The following PLXDC1 variants were observed in gnomAD, a reference collection of about 807,000 sequenced individuals.
PLXDC1 encodes the protein plexin domain-containing protein 1.
PLXDC1 carries 39 observed loss-of-function variants against 61.3 expected under a neutral mutation model. The ratio of observed to expected loss-of-function variants is 0.64; its 90% CI spans 0.49 to 0.83. PLXDC1 has a LOEUF of 0.83. PLXDC1 is among the 40% of genes least tolerant of loss of function. The probability of loss-of-function intolerance (pLI) is 0.00; values close to 1 mark genes in which losing one functional copy is unlikely to be tolerated. For missense variants in PLXDC1, 596 were observed against 666.5 expected (o/e 0.89, Z 1.17); for synonymous variants, 212 against 254.5 (o/e 0.83, Z 1.59).
chr17:39,080,007 G>C (rs1289224000), intron 9 of PLXDC1: 1 of 170,748 alleles, frequency 5.9e-6, no homozygotes, highest in East Asian at 1.6e-4. Context: ...TGCTCCTCCT[G>C]CAGCAGGGAT....
At chr17:39,134,755 T>G (rs539441892) in intron 2 of PLXDC1, among the ~76,000 whole-genome samples, 3 of 150,990 alleles carry the variant, frequency 2.0e-5, no homozygotes, top group African/African-American at 7.3e-5. Flanking sequence ...GGGACAAGAG[T>G]GCAAGCCTCT....
intron 7 of PLXDC1, among the ~76,000 whole-genome samples, chr17:39,095,625 T>G (rs1008636032): frequency 5.9e-5 from 9 of 151,900 alleles, no homozygotes; most frequent in Admixed American, 4.6e-4. Flanking sequence ...ATGTTTTTGT[T>G]TTTTGTCTTT....
chr17:39,118,085 C>G, intron 2 of PLXDC1, among the ~76,000 whole-genome samples: 1 of 42,862 alleles, frequency 2.3e-5, no homozygotes, highest in Non-Finnish European at 5.2e-5. Context: ...TCCCTCCCTC[C>G]CTTCCTTCCT....
rs150510735 is a variant in PLXDC1 at position 39,102,102 on chromosome 17, C to T, written c.811+3752G>A. Among the ~76,000 whole-genome samples the T allele has an allele frequency of 2.5e-4, 38 of 152,320 alleles. 1 individual carries two copies. The highest frequency in any genetic ancestry group is 8.5e-4 in the Admixed American group (13 of 15,300). ...CTTGACCCTTGAGTGCCACCCACCC[C>T]ACCCACAGATCTGCCCAGATGAAGG... On this transcript the variant is annotated intron_variant, in intron 7 of 13. Transcript: ENST00000315392.
intron 7 of PLXDC1, among the ~76,000 whole-genome samples, chr17:39,094,190 A>G (rs1910059158): frequency 1.3e-5 from 2 of 152,106 alleles, no homozygotes; most frequent in South Asian, 4.1e-4. Flanking sequence ...GCTCTGAGTA[A>G]GCCTGGGGGC....
chr17:39,127,035 C>A (rs1043706869), intron 2 of PLXDC1: 1 of 152,124 alleles, frequency 6.6e-6, no homozygotes, highest in Non-Finnish European at 1.5e-5. Context: ...TGAAAGATAA[C>A]ACCTGAAGCT....
At chr17:39,109,166 G>T in intron 3 of PLXDC1, 82 bp downstream of exon 3, 1 of 1,515,688 alleles carries the variant, frequency 6.6e-7, no homozygotes. Context: ...TCGGGCCACA[G>T]CCATGCCCAC....
chr17:39,110,422 G>T (rs1197091674), intron 2 of PLXDC1, among the ~76,000 whole-genome samples: 3 of 152,152 alleles, frequency 2.0e-5, no homozygotes, highest in Non-Finnish European at 4.4e-5. Flanking sequence ...TTCTGCAAAG[G>T]CTCTCCTGCA....
Position 39,098,614 on chromosome 17 carries a change from AAAG to A in PLXDC1, c.811+7237_811+7239del, listed in dbSNP as rs746634452. Among the ~76,000 whole-genome samples the A allele has an allele frequency of 4.3e-3, 656 of 152,310 alleles. 8 individuals are homozygous for A. The highest frequency in any genetic ancestry group is 3.4e-3 in the Non-Finnish European group (232 of 68,018). ...TTTGTTCTCGCCACCACTAGAAAGA[AAAG>A]AAGAAGAAGAAAAAAGTATCAGCGA... is the stretch of plus-strand genomic sequence containing the variant. On this transcript the variant is annotated intron_variant, in intron 7 of 13. Transcript: ENST00000315392.
chr17:39,104,727 T>C (rs1409333220), intron 7 of PLXDC1, among the ~76,000 whole-genome samples: 1 of 151,618 alleles, frequency 6.6e-6, no homozygotes, highest in Non-Finnish European at 1.5e-5. Context: ...GAGGCTGCAG[T>C]GGGTAGAAAT....
rs529737039 is a variant in PLXDC1, at chr17:39,065,343, G to C, written c.*2497C>G. On this transcript the variant is annotated 3_prime_UTR_variant, in exon 14 of 14. Transcript: ENST00000315392. Reference sequence around the variant, plus strand: ...AAAATAGAACCAAGCATCTCATAGAGTTAATGATTGTCTACAGGATCCCTG... The same window carrying C: ...AAAATAGAACCAAGCATCTCATAGACTTAATGATTGTCTACAGGATCCCTG... 8 of 151,086 alleles carry C rather than the reference G, an allele frequency of 5.3e-5. No homozygotes were observed. The highest frequency in any genetic ancestry group is 1.9e-4 in the African/African-American group (8 of 41,164). The allele number at this position is 151,086 out of a possible 1,614,324, so 9.4% of individuals were successfully genotyped here. A position where few individuals can be genotyped will look rare whatever the true frequency, so the allele number is the denominator to read the frequency against.
chr17:39,134,917 G>A (rs1282748950), intron 2 of PLXDC1, among the ~76,000 whole-genome samples: 2 of 152,130 alleles, frequency 1.3e-5, no homozygotes, highest in Non-Finnish European at 2.9e-5. Context: ...CCATCATGCA[G>A]CTGGCTTTCC....
rs1293623969 is a variant in PLXDC1, at chr17:39,107,411, T to C, written c.707A>G (p.Lys236Arg). Residue 236 changes from lysine (K) to arginine (R), a missense_variant, in exon 6 of 14, where the codon AAA becomes AGA. Lys to Arg is a conservative substitution (Grantham distance 26). Coordinates refer to ENST00000315392, the MANE Select transcript of PLXDC1 (RefSeq NM_020405.5). ...HHDGRIVFAY[K>R]EIPMSVPEIS... ...TCTGCAGCTGGGCCCACTCACCTCT[T>C]TATAGGCAAAGACAATGCGGCCGTC... 1 of 1,598,384 alleles carries C rather than the reference T, an allele frequency of 6.3e-7. No individual in the cohort carries two copies. The highest frequency in any genetic ancestry group is 1.7e-5 in the Admixed American group (1 of 59,062).
At chr17:39,106,735 C>T (rs1011492653) in intron 6 of PLXDC1, among the ~76,000 whole-genome samples, 2 of 150,954 alleles carry the variant, frequency 1.3e-5, no homozygotes, top group Admixed American at 1.3e-4. Context: ...CTGCAACCTC[C>T]AACTCCTGGG....
chr17:39,117,632 C>T (rs1911020645), intron 2 of PLXDC1, among the ~76,000 whole-genome samples: 1 of 152,124 alleles, frequency 6.6e-6, no homozygotes, highest in Admixed American at 6.6e-5. Flanking sequence ...GTCCCAGCTA[C>T]TTGTGAGGCT....
chr17:39,079,159 G>A lies in PLXDC1; in HGVS notation c.995C>T (p.Ser332Phe), dbSNP rs1043005177. Residue 332 changes from serine to phenylalanine, a missense_variant, in exon 10 of 14, where the codon TCC becomes TTC. Coordinates refer to ENST00000315392, the MANE Select transcript of PLXDC1 (RefSeq NM_020405.5). ...CSWCHVLQRC[S>F]SGFDRYRQEW... ...CTGGCGATAGCGGTCAAAGCCACTG[G>A]AGCATCTGCAGGAGGACCAAAAGGA... 6.2e-7 allele frequency: 1 copy of A among 1,613,482 alleles called. No individual in the cohort carries two copies. Among genetic ancestry groups the A allele is most frequent in the Non-Finnish European group, 8.5e-7 (1 of 1,179,618 alleles).
chr17:39,072,339 T>TG, intron 12 of PLXDC1, 111 bp downstream of exon 12: 1 of 772,238 alleles, frequency 1.3e-6, no homozygotes, highest in South Asian at 1.5e-5. Context: ...AGGCTGCCGT[T>TG]GCTCCCTCTC....
chr17:39,079,153 C>T lies in PLXDC1; in HGVS notation c.1001G>A (p.Gly334Asp), dbSNP rs1263632880. ...WCHVLQRCSS[G>D]FDRYRQEWMD... is the part of the protein sequence containing the mutation. ...CCACTCCTGGCGATAGCGGTCAAAG[C>T]CACTGGAGCATCTGCAGGAGGACCA... The change falls in exon 10 of 14, where the codon GGC becomes GAC. Residue 334 changes from glycine to aspartate, a missense_variant. Gly to Asp is a moderately conservative substitution (Grantham distance 94). Coordinates refer to ENST00000315392, the MANE Select transcript of PLXDC1 (RefSeq NM_020405.5). 6.2e-7 allele frequency: 1 copy of T among 1,613,818 alleles called. No individual in the cohort carries two copies. Among genetic ancestry groups the T allele is most frequent in the African/African-American group, 1.3e-5 (1 of 75,032 alleles).
At chr17:39,150,553 T>A (rs2045366134) in intron 1 of PLXDC1, among the ~76,000 whole-genome samples, 1 of 152,072 alleles carries the variant, frequency 6.6e-6, no homozygotes, top group African/African-American at 2.4e-5. Flanking sequence ...ACAGAGACTA[T>A]GAAAATTATA....
Sources: gnomAD v4.1 joint callset for allele counts (sites outside exome capture counted in the v4.1 genomes callset) on GRCh38, gnomAD v4.1.1 for gene constraint, MANE v1.5 for transcripts, NCBI Gene and HGNC (gene_info 2026-07-23, HGNC 2026-07-21) for gene names.